Variants in IFNGR2 observed in about 807,000 individuals in gnomAD.
The protein encoded by IFNGR2 is IFN-gamma receptor 2.
Under a neutral mutation model 41.1 loss-of-function variants are expected in IFNGR2, and 15 were observed. That is an observed-to-expected ratio of 0.37 (90% CI 0.24 to 0.56). The LOEUF is 0.56. Ranked by LOEUF, IFNGR2 falls within the 20% of genes least tolerant of loss-of-function variation. The pLI, the probability that IFNGR2 is intolerant of heterozygous loss-of-function variation, is 0.81. For missense variants in IFNGR2, 362 were observed against 415.7 expected, an observed-to-expected ratio of 0.87 and a Z score of 1.12; for synonymous variants, 161 against 171.6, an observed-to-expected ratio of 0.94 and a Z score of 0.48.
At chr21:33,434,397 C>A (rs918714785) in intron 6 of IFNGR2, among the ~76,000 whole-genome samples, 7 of 152,104 alleles carry the variant, frequency 4.6e-5, no homozygotes, top group African/African-American at 1.7e-4. Context: ...TGGTGGGCGC[C>A]TGTAATCCCA....
At chr21:33,436,011 A>T (rs2083944480) in intron 6 of IFNGR2, among the ~76,000 whole-genome samples, 1 of 151,922 alleles carries the variant, frequency 6.6e-6, no homozygotes, top group Admixed American at 6.6e-5. Context: ...CAGTGAGCCG[A>T]GATCGCGCCA....
At chr21:33,426,828 A>G (rs1034975460) in intron 3 of IFNGR2, 56 bp from the exon 4 acceptor site, 16 of 1,260,392 alleles carry the variant, frequency 1.3e-5, no homozygotes, top group East Asian at 2.3e-5. Flanking sequence ...ACATTGTATT[A>G]TATCTATAAT....
intron 2 of IFNGR2, among the ~76,000 whole-genome samples, chr21:33,415,904 C>T (rs1009390766): frequency 6.6e-6 from 1 of 152,164 alleles, no homozygotes; most frequent in East Asian, 1.9e-4. Context: ...CTCTATCGCC[C>T]AGGCTGGAGG....
chr21:33,409,601 T>C (rs2083702377), intron 1 of IFNGR2, among the ~76,000 whole-genome samples: 1 of 152,188 alleles, frequency 6.6e-6, no homozygotes, highest in Non-Finnish European at 1.5e-5. Flanking sequence ...GATTTTCAGC[T>C]TACTCAAGTC....
chr21:33,426,675 G>T (rs78407108), intron 3 of IFNGR2, among the ~76,000 whole-genome samples: 1 of 151,522 alleles, frequency 6.6e-6, no homozygotes, highest in Non-Finnish European at 1.5e-5. Context: ...AGCCGAGATC[G>T]CACAACTGCA....
intron 4 of IFNGR2, 113 bp downstream of exon 4, chr21:33,427,145 TC>T: frequency 2.2e-6 from 2 of 926,096 alleles, no homozygotes; most frequent in Non-Finnish European, 3.5e-6. Context: ...TGTCCCCGTG[TC>T]CCCATAGAGG....
At chr21:33,408,033 T>C (rs1444999934) in intron 1 of IFNGR2, among the ~76,000 whole-genome samples, 7 of 152,068 alleles carry the variant, frequency 4.6e-5, no homozygotes, top group Non-Finnish European at 8.8e-5. Flanking sequence ...GTTCACCTAA[T>C]TGACTTTCAT....
chr21:33,426,821 T>A, intron 3 of IFNGR2, 63 bp from the exon 4 acceptor site: 55 of 1,109,774 alleles, frequency 5.0e-5, no homozygotes, highest in Non-Finnish European at 6.3e-5. Context: ...ATATAATACA[T>A]TGTATTATAT....
At chr21:33,421,986 C>T (rs753957656) in intron 3 of IFNGR2, among the ~76,000 whole-genome samples, 16 of 152,232 alleles carry the variant, frequency 1.1e-4, no homozygotes, top group Non-Finnish European at 2.1e-4. Context: ...ACTGCTTTCA[C>T]ACTACAATGG....
At chr21:33,436,737 AAAAAT>A (rs1037390167) in intron 6 of IFNGR2, 86 bp from the exon 7 acceptor site, 42 of 1,020,060 alleles carry the variant, frequency 4.1e-5, no homozygotes, top group African/African-American at 1.6e-4. Flanking sequence ...AAATAAAAAT[AAAAAT>A]AAAATAAAAA....
intron 4 of IFNGR2, 130 bp downstream of exon 4, chr21:33,427,162 C>A: frequency 1.2e-6 from 1 of 826,844 alleles, no homozygotes; most frequent in Non-Finnish European, 2.0e-6. Flanking sequence ...AGAGGCTGAG[C>A]CCTGAGCCTG....
intron 4 of IFNGR2, among the ~76,000 whole-genome samples, chr21:33,430,699 C>CA (rs1416457421): frequency 2.0e-4 from 30 of 152,172 alleles, no homozygotes; most frequent in African/African-American, 7.2e-4. Flanking sequence ...GTGATCCTCC[C>CA]ACCTCAGCCT....
At chr21:33,431,899 C>A (rs2083891517) in intron 4 of IFNGR2, among the ~76,000 whole-genome samples, 1 of 152,226 alleles carries the variant, frequency 6.6e-6, no homozygotes, top group Admixed American at 6.5e-5. Flanking sequence ...AAAAGATTAT[C>A]CTAGAAATTG....
chr21:33,434,842 T>C (rs1256199134), intron 6 of IFNGR2, among the ~76,000 whole-genome samples: 2 of 152,102 alleles, frequency 1.3e-5, no homozygotes, highest in Non-Finnish European at 1.5e-5. Flanking sequence ...AATCTCTCTC[T>C]CTCCTGGTAG....
chr21:33,426,328 G>A (rs569719351), intron 3 of IFNGR2, among the ~76,000 whole-genome samples: 2 of 152,210 alleles, frequency 1.3e-5, no homozygotes, highest in East Asian at 1.9e-4. Flanking sequence ...CAGGAGAATC[G>A]CTTGAACCTG....
chr21:33,431,743 G>T (rs1486373544), intron 4 of IFNGR2, among the ~76,000 whole-genome samples: 1 of 152,100 alleles, frequency 6.6e-6, no homozygotes, highest in African/African-American at 2.4e-5. Flanking sequence ...GCTAATTTTT[G>T]TACTTTTAGT....
intron 4 of IFNGR2, among the ~76,000 whole-genome samples, chr21:33,431,898 T>C (rs1011397350): frequency 1.7e-4 from 26 of 152,250 alleles, no homozygotes; most frequent in Admixed American, 1.4e-3. Flanking sequence ...AAAAAGATTA[T>C]CCTAGAAATT....
At chr21:33,433,479 T>C (rs2083910627) in intron 6 of IFNGR2, among the ~76,000 whole-genome samples, 1 of 152,228 alleles carries the variant, frequency 6.6e-6, no homozygotes. Context: ...CACATGGACC[T>C]TGAGGACATT....
At chr21:33,409,059 C>T (rs1431655091) in intron 1 of IFNGR2, among the ~76,000 whole-genome samples, 1 of 151,902 alleles carries the variant, frequency 6.6e-6, no homozygotes, top group Non-Finnish European at 1.5e-5. Flanking sequence ...TGCCTGTAAT[C>T]CCAGCTACTC....
Sources: allele counts gnomAD v4.1 joint callset (sites outside exome capture counted in the v4.1 genomes callset), GRCh38; gene constraint gnomAD v4.1.1; transcripts MANE v1.5; gene names NCBI Gene and HGNC (gene_info 2026-07-23, HGNC 2026-07-21).